CSMD1: variants seen among roughly 807,000 people sequenced by gnomAD.
The protein encoded by CSMD1 is CUB and sushi domain-containing protein 1.
CSMD1 carries 213 observed loss-of-function variants against 417.5 expected under a neutral mutation model. The observed-to-expected ratio is 0.51, with a 90% CI of 0.46 to 0.57. The LOEUF (loss-of-function observed/expected upper bound fraction) is 0.57, where lower values mean the gene tolerates loss of function less well. Among genes scored for constraint, CSMD1 ranks in the 20% least tolerant of loss-of-function variants. The pLI, the probability that CSMD1 is intolerant of heterozygous loss-of-function variation, is 0.00. For missense variants in CSMD1, 6,923 were observed against 4,529.7 expected (o/e 1.53, Z -15.17); for synonymous variants, 2,862 against 1,736.8 (o/e 1.65, Z -16.11).
rs147363680 is a variant in CSMD1 at position 4,493,474 on chromosome 8, T to C, written c.303-73409A>G. ...ACTTTGGGAGGCTGAGGCAAGAGGA[T>C]TGCTTGAGTCCAGGAGTTCAAGAAC... is the stretch of plus-strand genomic sequence containing the variant. On this transcript the variant is annotated intron_variant, in intron 2 of 69. Coordinates refer to ENST00000635120, the MANE Select transcript of CSMD1 (RefSeq NM_033225.6). 1.9e-3 allele frequency among the ~76,000 whole-genome samples: 284 copies of C among 152,186 alleles called. 10 individuals carry two copies. In the East Asian group the frequency reaches 0.051, roughly 27 times the overall value.
chr8:4,252,440 G>T (rs941250139), intron 3 of CSMD1, among the ~76,000 whole-genome samples: 1 of 152,172 alleles, frequency 6.6e-6, no homozygotes, highest in African/African-American at 2.4e-5. Flanking sequence ...AAACTCGAGG[G>T]GACCTGAATG....
chr8:4,160,348 T>G (rs141242173), intron 3 of CSMD1, among the ~76,000 whole-genome samples: 1 of 152,196 alleles, frequency 6.6e-6, no homozygotes, highest in African/African-American at 2.4e-5. Context: ...AACCATTTTT[T>G]GTAAAGTAAT....
intron 3 of CSMD1, among the ~76,000 whole-genome samples, chr8:4,391,167 G>C (rs1803826480): frequency 6.6e-6 from 1 of 152,168 alleles, no homozygotes; most frequent in Admixed American, 6.5e-5. Context: ...AGTATGGCAA[G>C]AACTATTCTT....
At chr8:4,804,824 T>G (rs1331249693) in intron 1 of CSMD1, among the ~76,000 whole-genome samples, 1 of 152,212 alleles carries the variant, frequency 6.6e-6, no homozygotes, top group Non-Finnish European at 1.5e-5. Flanking sequence ...ATATGATTAC[T>G]GATACTATTT....
intron 3 of CSMD1, among the ~76,000 whole-genome samples, chr8:4,408,374 C>G (rs976360197): frequency 4.6e-5 from 7 of 152,076 alleles, no homozygotes; most frequent in Non-Finnish European, 1.0e-4. Flanking sequence ...CCTCTACTGT[C>G]AAAAAAGAGG....
chr8:4,604,918 G>C (rs896029417), intron 2 of CSMD1, among the ~76,000 whole-genome samples: 2 of 152,166 alleles, frequency 1.3e-5, no homozygotes, highest in Non-Finnish European at 2.9e-5. Context: ...AATCATGCTT[G>C]CGCATGTCAG....
intron 1 of CSMD1, among the ~76,000 whole-genome samples, chr8:4,956,432 T>A (rs1362501009): frequency 6.7e-6 from 1 of 149,024 alleles, no homozygotes; most frequent in East Asian, 1.9e-4. Context: ...CATATGTGCA[T>A]ATATTTAATA....
chr8:3,200,194 C>A (rs910816661), intron 32 of CSMD1, among the ~76,000 whole-genome samples: 18 of 151,932 alleles, frequency 1.2e-4, no homozygotes, highest in African/African-American at 4.3e-4. Flanking sequence ...GTAACTGAAT[C>A]CAAAGATGAT....
At chr8:3,293,675 C>T (rs1440872280) in intron 25 of CSMD1, among the ~76,000 whole-genome samples, 1 of 152,204 alleles carries the variant, frequency 6.6e-6, no homozygotes, top group African/African-American at 2.4e-5. Flanking sequence ...TTTTCAGCTA[C>T]ATCAGGTCCT....
At chr8:3,712,926 A>G (rs7008360) in intron 6 of CSMD1, among the ~76,000 whole-genome samples, 50,035 of 151,976 alleles carry the variant, frequency 0.33, 8,405 homozygotes, top group East Asian at 0.49. Context: ...GAGATCCCTG[A>G]TACATCATTG....
At chr8:3,747,204 G>A (rs541273880) in intron 6 of CSMD1, among the ~76,000 whole-genome samples, 8 of 152,258 alleles carry the variant, frequency 5.3e-5, no homozygotes, top group Admixed American at 6.5e-5. Context: ...GAGAGCCACA[G>A]CCCTTAATCT....
chr8:3,960,559 C>G (rs1268031544), intron 5 of CSMD1, among the ~76,000 whole-genome samples: 1 of 151,920 alleles, frequency 6.6e-6, no homozygotes, highest in Non-Finnish European at 1.5e-5. Context: ...CATTTTTAGT[C>G]TTGAGGATTT....
intron 1 of CSMD1, among the ~76,000 whole-genome samples, chr8:4,978,771 C>T (rs1250946001): frequency 3.3e-5 from 5 of 152,122 alleles, no homozygotes; most frequent in African/African-American, 4.8e-5. Context: ...AACCCCGTCT[C>T]CACTAAAAAT....
chr8:3,175,942 A>G (rs1375549211), intron 37 of CSMD1, among the ~76,000 whole-genome samples: 2 of 152,190 alleles, frequency 1.3e-5, no homozygotes, highest in African/African-American at 2.4e-5. Flanking sequence ...AGTGGCATAC[A>G]TTAACACTAA....
At chr8:3,239,241 C>T (rs756507034) in intron 26 of CSMD1, among the ~76,000 whole-genome samples, 108 of 152,086 alleles carry the variant, frequency 7.1e-4, no homozygotes, top group Non-Finnish European at 1.2e-3. Flanking sequence ...CACTGAATAC[C>T]AAGAGCCTGA....
chr8:3,475,738 C>G (rs559474614), intron 11 of CSMD1, among the ~76,000 whole-genome samples: 43 of 152,160 alleles, frequency 2.8e-4, no homozygotes, highest in Non-Finnish European at 5.0e-4. Context: ...GATTATTTCT[C>G]CAATTTCAAG....
intron 1 of CSMD1, among the ~76,000 whole-genome samples, chr8:4,980,590 G>C (rs1182912586): frequency 1.3e-5 from 2 of 152,176 alleles, no homozygotes; most frequent in East Asian, 1.9e-4. Context: ...TTGTGAACTG[G>C]AAGGTCACTT....
At chr8:3,334,157 T>C (rs891739146) in intron 23 of CSMD1, among the ~76,000 whole-genome samples, 5 of 152,098 alleles carry the variant, frequency 3.3e-5, no homozygotes, top group African/African-American at 9.7e-5. Context: ...CAGAAGAAAA[T>C]GACATCAACC....
At chr8:3,260,943 C>G (rs944755288) in intron 26 of CSMD1, among the ~76,000 whole-genome samples, 2 of 151,908 alleles carry the variant, frequency 1.3e-5, no homozygotes, top group African/African-American at 4.8e-5. Flanking sequence ...ATGCTCAAGA[C>G]TGAAGAGTAA....
Sources: gnomAD v4.1 joint callset for allele counts (sites outside exome capture counted in the v4.1 genomes callset) on GRCh38, gnomAD v4.1.1 for gene constraint, MANE v1.5 for transcripts, NCBI Gene and HGNC (gene_info 2026-07-23, HGNC 2026-07-21) for gene names.